Variants in BCL2 observed in about 807,000 individuals in gnomAD.
BCL2 encodes the protein apoptosis regulator Bcl-2.
Under a neutral mutation model 14.2 loss-of-function variants are expected in BCL2, and 1 was observed. The ratio of observed to expected loss-of-function variants is 0.07; its 90% CI spans 0.02 to 0.33. The LOEUF is 0.33. BCL2 is among the 10% of genes least tolerant of loss of function. BCL2 has a pLI of 0.99. For synonymous variants in BCL2, 151 were observed against 137.2 expected, an observed-to-expected ratio of 1.10 and a Z score of -0.70; for missense variants, 247 against 305.9, an observed-to-expected ratio of 0.81 and a Z score of 1.44.
intron 2 of BCL2, among the ~76,000 whole-genome samples, chr18:63,210,900 T>C (rs1909980225): frequency 6.6e-6 from 1 of 152,130 alleles, no homozygotes; most frequent in Admixed American, 6.5e-5. Context: ...CATTGTTCTG[T>C]GACCCACTTC....
At position 63,126,735 on chromosome 18, in the gene BCL2, C is replaced by T. The variant is rs534676168; in HGVS notation, c.*1890G>A. On this transcript the variant is annotated 3_prime_UTR_variant, in exon 3 of 3. Transcript: ENST00000333681. ...AGAGATAAAAATCTCAAACAGAAAACGATCACCTTTGCTCACAAATAGTGT... is the reference window on the plus strand; with the variant it reads ...AGAGATAAAAATCTCAAACAGAAAATGATCACCTTTGCTCACAAATAGTGT... 19 of 224,436 alleles carry T rather than the reference C, an allele frequency of 8.5e-5. No homozygotes were observed. The highest frequency in any genetic ancestry group is 3.9e-4 in the East Asian group (6 of 15,558). The allele number at this position is 224,436 out of a possible 1,614,324, so 13.9% of individuals were successfully genotyped here. A position where few individuals can be genotyped will look rare whatever the true frequency, so the allele number is the denominator to read the frequency against.
At chr18:63,265,006 C>T (rs962656348) in intron 2 of BCL2, among the ~76,000 whole-genome samples, 3 of 152,236 alleles carry the variant, frequency 2.0e-5, no homozygotes, top group Admixed American at 2.0e-4. Context: ...TCTGGAGAGG[C>T]GCCAGGGTCC....
chr18:63,279,314 C>T (rs150074397), intron 2 of BCL2, among the ~76,000 whole-genome samples: 371 of 152,240 alleles, frequency 2.4e-3, no homozygotes, highest in African/African-American at 7.8e-3. Flanking sequence ...GATGCATAGC[C>T]AGAAGCTGCA....
intron 2 of BCL2, among the ~76,000 whole-genome samples, chr18:63,182,458 T>G (rs1286124459): frequency 6.6e-6 from 1 of 152,144 alleles, no homozygotes; most frequent in Non-Finnish European, 1.5e-5. Flanking sequence ...GGAGCGAGGA[T>G]CCTAACACCT....
At chr18:63,137,220 T>C (rs1362692279) in intron 2 of BCL2, among the ~76,000 whole-genome samples, 1 of 152,250 alleles carries the variant, frequency 6.6e-6, no homozygotes. Flanking sequence ...AGCTCAATCA[T>C]TTTCTGCAAG....
At chr18:63,269,770 T>G (rs1911949553) in intron 2 of BCL2, among the ~76,000 whole-genome samples, 1 of 152,178 alleles carries the variant, frequency 6.6e-6, no homozygotes, top group East Asian at 1.9e-4. Context: ...ATAATGTCAG[T>G]CGAAATTGGA....
chr18:63,170,524 T>C (rs1487036769), intron 2 of BCL2, among the ~76,000 whole-genome samples: 1 of 152,216 alleles, frequency 6.6e-6, no homozygotes, highest in East Asian at 1.9e-4. Context: ...TTGGTGTTTA[T>C]GCGGAAAAGA....
chr18:63,185,869 A>G (rs1016595132), intron 2 of BCL2, among the ~76,000 whole-genome samples: 2 of 152,200 alleles, frequency 1.3e-5, no homozygotes, highest in Non-Finnish European at 2.9e-5. Flanking sequence ...TGGAATGCTA[A>G]CCACTTTACT....
At chr18:63,298,702 C>A (rs1277838930) in intron 2 of BCL2, among the ~76,000 whole-genome samples, 1 of 152,220 alleles carries the variant, frequency 6.6e-6, no homozygotes, top group African/African-American at 2.4e-5. Context: ...CAGAGAAATT[C>A]CATTTTCATT....
rs1913638929 is a variant in BCL2, at chr18:63,319,751, G to C, written c.-864C>G. 4.8e-6 allele frequency: 1 copy of C among 207,732 alleles called. No individual in the cohort carries two copies. Among genetic ancestry groups the C allele is most frequent in the African/African-American group, 2.3e-5 (1 of 43,884 alleles). The allele number at this position is 207,732 out of a possible 1,614,324, so 12.9% of individuals were successfully genotyped here. On this transcript the variant is annotated 5_prime_UTR_variant, in exon 1 of 3. Coordinates refer to ENST00000333681, the MANE Select transcript of BCL2 (RefSeq NM_000633.3). Reference sequence around the variant, plus strand: ...GCCGAGCGCTAGAAGCCCGCGCTGTGTGTGGTGCGGCGAGGGGTGGGGAGA... The same window carrying C: ...GCCGAGCGCTAGAAGCCCGCGCTGTCTGTGGTGCGGCGAGGGGTGGGGAGA...
intron 2 of BCL2, among the ~76,000 whole-genome samples, chr18:63,166,603 T>C (rs1915051098): frequency 6.6e-6 from 1 of 152,222 alleles, no homozygotes; most frequent in East Asian, 1.9e-4. Flanking sequence ...AGACAAACAG[T>C]ATAATAATGA....
In BCL2 at chr18:63,189,950, G is replaced by GTC. The variant is rs757856966; in HGVS notation, c.586-61193_586-61192dup. Among the ~76,000 whole-genome samples the GTC allele has an allele frequency of 2.0e-5, 3 of 152,240 alleles. No individual in the cohort carries two copies. The East Asian group carries it at 5.8e-4, about 29-fold the overall frequency. On this transcript the variant is annotated intron_variant, in intron 2 of 2. Transcript: ENST00000333681. ...TATAAAAATCTGTTGTGGAAAAGTG[G>GTC]TCTATTGGGTATTCCCAGATTAAAT...
intron 2 of BCL2, among the ~76,000 whole-genome samples, chr18:63,198,795 A>T (rs887563358): frequency 4.5e-5 from 6 of 134,718 alleles, no homozygotes; most frequent in African/African-American, 1.7e-4. Flanking sequence ...AGACACAGAC[A>T]CACACTGACA....
chr18:63,218,057 A>G (rs1365081737), intron 2 of BCL2, among the ~76,000 whole-genome samples: 2 of 152,176 alleles, frequency 1.3e-5, no homozygotes, highest in African/African-American at 4.8e-5. Context: ...ACTGCCTCCA[A>G]GGTCAGTCAG....
chr18:63,212,163 T>C (rs532048818), intron 2 of BCL2, among the ~76,000 whole-genome samples: 30 of 151,138 alleles, frequency 2.0e-4, no homozygotes, highest in South Asian at 8.4e-4. Flanking sequence ...CCGTCTCTAC[T>C]AAAAATACAA....
At chr18:63,191,433 C>A (rs1269315616) in intron 2 of BCL2, among the ~76,000 whole-genome samples, 1 of 152,196 alleles carries the variant, frequency 6.6e-6, no homozygotes, top group African/African-American at 2.4e-5. Flanking sequence ...CTTCTAAGGA[C>A]AGACCCATCT....
chr18:63,174,269 C>A (rs1351379247), intron 2 of BCL2, among the ~76,000 whole-genome samples: 3 of 152,160 alleles, frequency 2.0e-5, no homozygotes, highest in Admixed American at 6.5e-5. Flanking sequence ...TGCTAAGGGA[C>A]CCAGCCAAGA....
Position 63,310,062 on chromosome 18 carries a change from C to T in BCL2, c.585+8020G>A, listed in dbSNP as rs763681136. On this transcript the variant is annotated intron_variant, in intron 2 of 2. Coordinates refer to ENST00000333681, the MANE Select transcript of BCL2 (RefSeq NM_000633.3). ...ATTTTTAGTAGAGAAAGGGTTTCAC[C>T]ATGTTGGCCAGGCTGGACTTGAACT... 3.9e-5 allele frequency among the ~76,000 whole-genome samples: 6 copies of T among 152,214 alleles called. No individual in the cohort carries two copies. The South Asian group carries it at 1.2e-3, about 32-fold the overall frequency.
At chr18:63,184,671 T>C (rs1355495440) in intron 2 of BCL2, among the ~76,000 whole-genome samples, 1 of 152,268 alleles carries the variant, frequency 6.6e-6, no homozygotes, top group Non-Finnish European at 1.5e-5. Flanking sequence ...GAGAGTAGGA[T>C]GGAAGCAGAG....
Sources: gnomAD v4.1 joint callset for allele counts (sites outside exome capture counted in the v4.1 genomes callset) on GRCh38, gnomAD v4.1.1 for gene constraint, MANE v1.5 for transcripts, NCBI Gene and HGNC (gene_info 2026-07-23, HGNC 2026-07-21) for gene names.